The following BMPR1B variants were observed in gnomAD, a reference collection of about 807,000 sequenced individuals.
BMPR1B encodes the protein bone morphogenetic protein receptor type 1B, also known as bone morphogenetic protein receptor type-1B.
BMPR1B carries 12 observed loss-of-function variants against 59.1 expected under a neutral mutation model. The observed-to-expected ratio is 0.20, with a 90% CI of 0.13 to 0.33. The LOEUF (loss-of-function observed/expected upper bound fraction) is 0.33. Among genes scored for constraint, BMPR1B ranks in the 10% least tolerant of loss-of-function variants. The pLI is 1.00. For synonymous variants in BMPR1B, 237 were observed against 207.3 expected (o/e 1.14, Z -1.23); for missense variants, 550 against 610.9 (o/e 0.90, Z 1.05).
At chr4:94,897,856 T>C (rs1444063845) in intron 2 of BMPR1B, among the ~76,000 whole-genome samples, 3 of 151,910 alleles carry the variant, frequency 2.0e-5, no homozygotes, top group Non-Finnish European at 4.4e-5. Context: ...TATATATTCT[T>C]AGTATTGGTT....
At chr4:94,918,682 TA>T (rs35354766) in intron 2 of BMPR1B, among the ~76,000 whole-genome samples, 35,762 of 147,224 alleles carry the variant, frequency 0.24, 4,787 homozygotes, top group African/African-American at 0.36. Flanking sequence ...AGACACTGTT[TA>T]AAAAAAAAAA....
chr4:94,853,951 G>C (rs538070155), intron 1 of BMPR1B, among the ~76,000 whole-genome samples: 1 of 152,276 alleles, frequency 6.6e-6, no homozygotes, highest in South Asian at 2.1e-4. Flanking sequence ...AGTCATTCCA[G>C]TGATTTTACA....
At chr4:95,125,385 C>G (rs1281845122) in intron 8 of BMPR1B, among the ~76,000 whole-genome samples, 1 of 152,156 alleles carries the variant, frequency 6.6e-6, no homozygotes, top group African/African-American at 2.4e-5. Flanking sequence ...ACATTAAACA[C>G]GGGACCATCT....
intron 1 of BMPR1B, among the ~76,000 whole-genome samples, chr4:94,868,711 A>T (rs903596420): frequency 6.6e-6 from 1 of 152,238 alleles, no homozygotes; most frequent in Non-Finnish European, 1.5e-5. Context: ...GAGTGAAAAT[A>T]TTCCTAGATC....
At position 94,821,438 on chromosome 4, in the gene BMPR1B, TATATTCTATAA is replaced by T. The variant is rs202090057; in HGVS notation, c.-182-54387_-182-54377del. On this transcript the variant is annotated intron_variant, in intron 1 of 12. Coordinates refer to ENST00000515059, the MANE Select transcript of BMPR1B (RefSeq NM_001203.3). Reference sequence around the variant, plus strand: ...AGCATATATAGATATGATATATGCATATATTCTATAAATATTTTTTAAAATTTTAATTTTTT... The same window carrying T: ...AGCATATATAGATATGATATATGCATATATTTTTTAAAATTTTAATTTTTT... 7.1e-3 allele frequency among the ~76,000 whole-genome samples: 1,088 copies of T among 152,248 alleles called. 14 individuals carry two copies. The highest frequency in any genetic ancestry group is 0.025 in the African/African-American group (1,043 of 41,566).
intron 1 of BMPR1B, among the ~76,000 whole-genome samples, chr4:94,773,134 G>A (rs1210766508): frequency 1.3e-5 from 2 of 152,038 alleles, no homozygotes; most frequent in South Asian, 2.1e-4. Context: ...TTTCGGAAGA[G>A]GAAGTCAAGT....
chr4:94,758,344 G>T lies in BMPR1B; in HGVS notation c.-183+276G>T, dbSNP rs1348145727. On this transcript the variant is annotated intron_variant, in intron 1 of 12. Coordinates refer to ENST00000515059, the MANE Select transcript of BMPR1B (RefSeq NM_001203.3). ...GGCTTTGTGCGCGGGCGGCTCTGCC[G>T]GGACCCCGAGGCCTCGTGCCTGCGC... Among the ~76,000 whole-genome samples the T allele has an allele frequency of 2.6e-5, 4 of 151,586 alleles. No homozygotes were observed. The East Asian group carries it at 7.8e-4, about 30-fold the overall frequency.
chr4:94,775,483 TTAAGA>T (rs1422737240), intron 1 of BMPR1B, among the ~76,000 whole-genome samples: 3 of 152,226 alleles, frequency 2.0e-5, no homozygotes, highest in Admixed American at 1.3e-4. Flanking sequence ...TTTTTCCAAT[TTAAGA>T]TATTTCCATC....
intron 2 of BMPR1B, among the ~76,000 whole-genome samples, chr4:94,927,499 A>T (rs1050432734): frequency 3.3e-5 from 5 of 152,176 alleles, no homozygotes; most frequent in African/African-American, 1.2e-4. Flanking sequence ...GAAGAAACAG[A>T]TGTTTGAGAT....
intron 3 of BMPR1B, among the ~76,000 whole-genome samples, chr4:95,013,356 G>T (rs530011630): frequency 5.3e-5 from 8 of 152,198 alleles, no homozygotes; most frequent in Non-Finnish European, 1.0e-4. Flanking sequence ...TTTCCATTGA[G>T]AAATCATGGA....
chr4:94,841,141 C>G (rs2148934953), intron 1 of BMPR1B, among the ~76,000 whole-genome samples: 1 of 149,228 alleles, frequency 6.7e-6, no homozygotes, highest in Admixed American at 6.7e-5. Context: ...CAGCTGCGTG[C>G]TGGGAGAACC....
chr4:95,047,352 C>A (rs1465420723), intron 3 of BMPR1B, among the ~76,000 whole-genome samples: 1 of 152,086 alleles, frequency 6.6e-6, no homozygotes, highest in African/African-American at 2.4e-5. Context: ...GTTTTTAACT[C>A]TTTTTTTACA....
At chr4:94,761,223 T>C (rs79083848) in intron 1 of BMPR1B, among the ~76,000 whole-genome samples, 2 of 152,194 alleles carry the variant, frequency 1.3e-5, no homozygotes, top group Non-Finnish European at 2.9e-5. Flanking sequence ...ATGTATCACT[T>C]TGCAATAACT....
At chr4:95,018,043 A>G (rs186110590) in intron 3 of BMPR1B, among the ~76,000 whole-genome samples, 2 of 152,324 alleles carry the variant, frequency 1.3e-5, no homozygotes, top group Non-Finnish European at 2.9e-5. Context: ...CGATAATACT[A>G]TCTTTTTAAT....
At chr4:95,135,507 T>C (rs1008756325) in intron 10 of BMPR1B, among the ~76,000 whole-genome samples, 17 of 152,332 alleles carry the variant, frequency 1.1e-4, no homozygotes, top group African/African-American at 3.8e-4. Flanking sequence ...TGGAAAGTTC[T>C]TCTATTAGTT....
chr4:94,860,455 A>G (rs1032417418), intron 1 of BMPR1B, among the ~76,000 whole-genome samples: 9 of 152,162 alleles, frequency 5.9e-5, no homozygotes, highest in Admixed American at 2.0e-4. Context: ...TTTTATTCCT[A>G]CATCTGGAAA....
intron 2 of BMPR1B, among the ~76,000 whole-genome samples, chr4:94,980,076 A>G (rs892038772): frequency 1.3e-5 from 2 of 152,162 alleles, no homozygotes; most frequent in African/African-American, 4.8e-5. Flanking sequence ...TAGCTCTCTT[A>G]AAAGGATTAA....
At chr4:94,830,997 T>A (rs1724564608) in intron 1 of BMPR1B, among the ~76,000 whole-genome samples, 2 of 152,148 alleles carry the variant, frequency 1.3e-5, no homozygotes, top group South Asian at 4.1e-4. Context: ...CTCCTACTAA[T>A]TATAAAAAAG....
chr4:95,080,935 G>C (rs1283832521), intron 3 of BMPR1B, among the ~76,000 whole-genome samples: 1 of 152,136 alleles, frequency 6.6e-6, no homozygotes, highest in Non-Finnish European at 1.5e-5. Flanking sequence ...AATGGTTATT[G>C]ATATGGTTTG....
Sources: gnomAD v4.1 joint callset for allele counts (sites outside exome capture counted in the v4.1 genomes callset) on GRCh38, gnomAD v4.1.1 for gene constraint, MANE v1.5 for transcripts, NCBI Gene and HGNC (gene_info 2026-07-23, HGNC 2026-07-21) for gene names.